Variants in CCND3 observed in about 807,000 individuals in gnomAD.
CCND3 encodes the protein cyclin D3, also known as G1/S-specific cyclin-D3.
CCND3 carries 9 observed loss-of-function variants against 28.7 expected under a neutral mutation model. The ratio of observed to expected loss-of-function variants is 0.31; its 90% CI spans 0.19 to 0.55. The LOEUF is 0.55. Ranked by LOEUF, CCND3 falls within the 20% of genes least tolerant of loss-of-function variation. CCND3 has a pLI of 0.93. For synonymous variants in CCND3, 164 were observed against 163.9 expected, an observed-to-expected ratio of 1.00 and a Z score of 0.00; for missense variants, 315 against 385.8, an observed-to-expected ratio of 0.82 and a Z score of 1.54.
At chr6:42,029,377 C>T (rs1763980142) in intron 1 of CCND3, among the ~76,000 whole-genome samples, 1 of 152,110 alleles carries the variant, frequency 6.6e-6, no homozygotes, top group Non-Finnish European at 1.5e-5. Context: ...ATTGAGTCTG[C>T]TGGCTGGCAG....
At chr6:42,025,177 G>A (rs1255393316) in intron 1 of CCND3, among the ~76,000 whole-genome samples, 1 of 152,244 alleles carries the variant, frequency 6.6e-6, no homozygotes, top group Admixed American at 6.5e-5. Context: ...GCAGACAGAA[G>A]GTCTGGGATC....
intron 1 of CCND3, among the ~76,000 whole-genome samples, chr6:41,951,571 C>G (rs71544445): frequency 1.3e-5 from 1 of 78,616 alleles, no homozygotes; most frequent in Non-Finnish European, 2.4e-5. Context: ...CACACACACA[C>G]ACACAAAAAA....
upstream of CCND3, among the ~76,000 whole-genome samples, chr6:41,942,699 CT>C (rs1776069750): frequency 7.2e-5 from 11 of 152,146 alleles, no homozygotes; most frequent in South Asian, 2.3e-3. Context: ...ACCTCCCAAA[CT>C]TTTGGTTACT....
chr6:42,023,081 T>A (rs952737185), intron 1 of CCND3, among the ~76,000 whole-genome samples: 3 of 152,346 alleles, frequency 2.0e-5, no homozygotes, highest in African/African-American at 7.2e-5. Flanking sequence ...TGCTTTGTCA[T>A]CTTTCACAGA....
In CCND3 at chr6:41,938,798, G is replaced by A. The variant is rs920585047; in HGVS notation, c.415-1404C>T. Among the ~76,000 whole-genome samples, 6 of 152,178 alleles carry A rather than the reference G, an allele frequency of 3.9e-5. No homozygotes were observed. The highest frequency in any genetic ancestry group is 9.7e-5 in the African/African-American group (4 of 41,434). On this transcript the variant is annotated intron_variant, in intron 2 of 4. Coordinates refer to ENST00000372991, the MANE Select transcript of CCND3 (RefSeq NM_001760.5). This position sits in a 1 kb window ranked among gnomAD's most constrained non-coding sequence, Gnocchi z 4.6. Reference sequence around the variant, plus strand: ...GGTTCTACACTCATCTGCTCAGTGCGATGCTGAGGCAGGACCTTGCCCTCC... The same window carrying A: ...GGTTCTACACTCATCTGCTCAGTGCAATGCTGAGGCAGGACCTTGCCCTCC...
At chr6:41,962,804 G>T (rs748871060) in intron 1 of CCND3, among the ~76,000 whole-genome samples, 1 of 152,064 alleles carries the variant, frequency 6.6e-6, no homozygotes, top group Non-Finnish European at 1.5e-5. Context: ...AGGCTGGAGC[G>T]CCATGGCGCA....
chr6:42,040,885 A>AC (rs1215828340), intron 1 of CCND3, among the ~76,000 whole-genome samples: 1 of 152,094 alleles, frequency 6.6e-6, no homozygotes, highest in Non-Finnish European at 1.5e-5. Context: ...AAAACAAAAA[A>AC]AAAAACCTCA....
intron 1 of CCND3, among the ~76,000 whole-genome samples, chr6:41,956,191 T>C (rs1444630218): frequency 6.6e-6 from 1 of 151,802 alleles, no homozygotes; most frequent in African/African-American, 2.4e-5. Flanking sequence ...ACTTGGGAAG[T>C]TGAGGCAGGA....
At chr6:41,955,519 C>G (rs1027850756) in intron 1 of CCND3, among the ~76,000 whole-genome samples, 6 of 151,964 alleles carry the variant, frequency 3.9e-5, no homozygotes, top group Non-Finnish European at 7.4e-5. Flanking sequence ...AGAAAAAACT[C>G]TTGGCAAAGC....
chr6:41,977,029 C>G (rs1762203686), intron 1 of CCND3, among the ~76,000 whole-genome samples: 1 of 152,160 alleles, frequency 6.6e-6, no homozygotes. Flanking sequence ...ACATCTTTTA[C>G]CCACTCTCCT....
chr6:42,001,600 G>A (rs1009288204), intron 1 of CCND3, among the ~76,000 whole-genome samples: 6 of 152,192 alleles, frequency 3.9e-5, no homozygotes, highest in Non-Finnish European at 5.9e-5. Flanking sequence ...CCCATGGGCA[G>A]GAAGCAGTGG....
intron 1 of CCND3, among the ~76,000 whole-genome samples, chr6:42,012,464 G>A (rs917308735): frequency 4.7e-5 from 7 of 148,230 alleles, no homozygotes; most frequent in East Asian, 1.9e-4. Context: ...TTAGCCAGGT[G>A]TGATGGTATG....
At position 41,988,699 on chromosome 6, in the gene CCND3, C is replaced by CTTTTTTTTT. The variant is rs758582662; in HGVS notation, c.-45-48123_-45-48115dup. 2.0e-4 allele frequency among the ~76,000 whole-genome samples: 19 copies of CTTTTTTTTT among 96,716 alleles called. 1 individual carries two copies. The highest frequency in any genetic ancestry group is 3.7e-4 in the African/African-American group (11 of 29,754). The allele number at this position is 96,716 out of a possible 152,430, so 63.4% of individuals were successfully genotyped here. On this transcript the variant is annotated intron_variant, in intron 1 of 4. Transcript: ENST00000372988. The stretch of plus-strand genomic sequence containing the variant: ...ATAATTGATAAGCTGAACTTCTTTT[C>CTTTTTTTTT]TTTTTTTTTTTTTTTTTGAGACGGA...
intron 1 of CCND3, among the ~76,000 whole-genome samples, chr6:41,996,245 G>T (rs1230954871): frequency 6.6e-6 from 1 of 151,360 alleles, no homozygotes; most frequent in Non-Finnish European, 1.5e-5. Flanking sequence ...CGCCTCCCGG[G>T]TTCAAGTGAT....
At chr6:42,028,987 C>CTT (rs956940998) in intron 1 of CCND3, among the ~76,000 whole-genome samples, 2 of 119,830 alleles carry the variant, frequency 1.7e-5, no homozygotes, top group African/African-American at 6.4e-5. Context: ...TTTTTTTTTT[C>CTT]CTAAGAGACA....
intron 1 of CCND3, among the ~76,000 whole-genome samples, chr6:42,036,377 C>CTATATATATATATATA (rs1162806893): frequency 8.4e-5 from 5 of 59,588 alleles, no homozygotes; most frequent in East Asian, 6.8e-4. Flanking sequence ...TGCATATATA[C>CTATATATATATATATA]TATATATATA....
chr6:42,033,445 A>G (rs1764101929), intron 1 of CCND3, among the ~76,000 whole-genome samples: 1 of 136,792 alleles, frequency 7.3e-6, no homozygotes, highest in South Asian at 2.4e-4. Flanking sequence ...GCGAGACTCC[A>G]TCTAAAAAAA....
intron 1 of CCND3, among the ~76,000 whole-genome samples, chr6:41,951,107 C>T (rs1277016744): frequency 6.6e-6 from 1 of 152,054 alleles, no homozygotes; most frequent in South Asian, 2.1e-4. Flanking sequence ...AGACTTTTAC[C>T]TCGGCATTTG....
chr6:42,032,039 C>T (rs1055786315), intron 1 of CCND3, among the ~76,000 whole-genome samples: 4 of 152,134 alleles, frequency 2.6e-5, no homozygotes, highest in African/African-American at 9.7e-5. Context: ...GATCCACCTG[C>T]CTTGGCCTCC....
Sources: gnomAD v4.1 joint callset for allele counts (sites outside exome capture counted in the v4.1 genomes callset) on GRCh38, gnomAD v4.1.1 for gene constraint, Gnocchi (gnomAD v3.1) non-coding constraint, MANE v1.5 for transcripts, NCBI Gene and HGNC (gene_info 2026-07-23, HGNC 2026-07-21) for gene names.